Variants in PLEKHA6 observed in about 807,000 individuals in gnomAD.
PLEKHA6 encodes pleckstrin homology domain-containing family A member 6.
Under a neutral mutation model 116.7 loss-of-function variants are expected in PLEKHA6, and 60 were observed. The ratio of observed to expected loss-of-function variants is 0.51; its 90% CI spans 0.42 to 0.64. PLEKHA6 has a LOEUF of 0.64. Ranked by LOEUF, PLEKHA6 falls within the 30% of genes least tolerant of loss-of-function variation. The pLI, the probability that PLEKHA6 is intolerant of heterozygous loss-of-function variation, is 0.00. For missense variants in PLEKHA6, 1,338 were observed against 1,422.7 expected (o/e 0.94, Z 0.96); for synonymous variants, 489 against 556.1 (o/e 0.88, Z 1.70).
chr1:204,288,065 C>A (rs959970992), intron 1 of PLEKHA6, among the ~76,000 whole-genome samples: 2 of 152,174 alleles, frequency 1.3e-5, no homozygotes, highest in Admixed American at 1.3e-4. Context: ...TCCAGAGCCA[C>A]CCAGACAAAC....
chr1:204,315,614 G>A (rs1317225733), intron 1 of PLEKHA6, among the ~76,000 whole-genome samples: 2 of 152,302 alleles, frequency 1.3e-5, no homozygotes, highest in East Asian at 3.9e-4. Context: ...CCGCCGTGAA[G>A]TTGTAGGCAT....
intron 2 of PLEKHA6, chr1:204,369,860 A>G (rs1673740945): frequency 6.6e-6 from 1 of 152,228 alleles, no homozygotes; most frequent in Non-Finnish European, 1.5e-5. Flanking sequence ...GTAGAAGAAA[A>G]CAGCCCTGGC....
chr1:204,334,448 G>C (rs1672568371), intron 1 of PLEKHA6, among the ~76,000 whole-genome samples: 1 of 152,122 alleles, frequency 6.6e-6, no homozygotes, highest in Admixed American at 6.5e-5. Context: ...TCCAAACTTG[G>C]TCTTTTTCTA....
intron 1 of PLEKHA6, among the ~76,000 whole-genome samples, chr1:204,292,886 GTGGAAGCAGC>G (rs902036956): frequency 1.4e-4 from 16 of 110,694 alleles, no homozygotes; most frequent in African/African-American, 5.8e-4. Flanking sequence ...TCTGGAGGTT[GTGGAAGCAGC>G]TGGAAGCTGT....
In PLEKHA6 at chr1:204,220,958, T is replaced by G. The variant is rs1194187602; in HGVS notation, c.*1830A>C. On this transcript the variant is annotated 3_prime_UTR_variant, in exon 23 of 23. Coordinates refer to ENST00000272203, the MANE Select transcript of PLEKHA6 (RefSeq NM_014935.5). The stretch of plus-strand genomic sequence containing the variant: ...AAGGCCCTGAAAAATCTGTTTCCTG[T>G]GGAGGGAGAAAGGCTTGGGAGAAAG... The G allele has an allele frequency of 6.7e-6, 1 of 149,002 alleles. No individual in the cohort carries two copies. The highest frequency in any genetic ancestry group is 2.0e-4 in the East Asian group (1 of 5,112). The allele number at this position is 149,002 out of a possible 1,614,324, so 9.2% of individuals were successfully genotyped here. A position where few individuals can be genotyped will look rare whatever the true frequency, so the allele number is the denominator to read the frequency against.
chr1:204,281,974 C>G (rs1668671361), intron 1 of PLEKHA6, among the ~76,000 whole-genome samples: 1 of 152,194 alleles, frequency 6.6e-6, no homozygotes, highest in Non-Finnish European at 1.5e-5. Context: ...GCTCCCACCA[C>G]AGGCAGAAGA....
Position 204,230,346 on chromosome 1 carries a change from T to C in PLEKHA6, c.2583+67A>G, listed in dbSNP as rs777977036. 6.1e-6 allele frequency: 8 copies of C among 1,316,064 alleles called. No individual in the cohort carries two copies. In the South Asian group the frequency reaches 1.2e-4, roughly 20 times the overall value. 81.5% of individuals were successfully genotyped at this position (1,316,064 alleles called of 1,614,324 possible). A position where few individuals can be genotyped will look rare whatever the true frequency, so the allele number is the denominator to read the frequency against. ...AAACCCCCCAGGCCCAAGCTGGCCA[T>C]GCCCTGGGAGTGGGCAGTGTTGGCA... On this transcript the variant is annotated intron_variant, in intron 18 of 22. Transcript: ENST00000272203.
intron 17 of PLEKHA6, among the ~76,000 whole-genome samples, chr1:204,241,156 A>G (rs566161012): frequency 6.6e-6 from 1 of 152,300 alleles, no homozygotes; most frequent in Admixed American, 6.5e-5. Context: ...GTCCCTCTAG[A>G]GAACCCTGAC....
intron 1 of PLEKHA6, among the ~76,000 whole-genome samples, chr1:204,320,820 G>T (rs904660967): frequency 6.6e-6 from 1 of 152,116 alleles, no homozygotes; most frequent in Non-Finnish European, 1.5e-5. Flanking sequence ...GGAGAGAGGG[G>T]TTCTTAGCCT....
chr1:204,250,598 T>C lies in PLEKHA6; in HGVS notation c.1541A>G (p.Glu514Gly), dbSNP rs1331938238. ...GGTGTGGAGGCTGTCCCGGAACACT[T>C]CTGGGTATGGAGGGACCTGCAGGAA... ...ISSPKVPPYPEVFRDSLHTYK... is the reference protein window; with the variant it reads ...ISSPKVPPYPGVFRDSLHTYK... The change falls in exon 10 of 23, where the codon GAA becomes GGA. Residue 514 changes from glutamate (E) to glycine (G), a missense_variant. Transcript: ENST00000272203. 6.2e-6 allele frequency: 10 copies of C among 1,612,652 alleles called. No homozygotes were observed. The highest frequency in any genetic ancestry group is 1.7e-5 in the Admixed American group (1 of 59,994).
chr1:204,281,245 G>T (rs958019865), intron 1 of PLEKHA6, among the ~76,000 whole-genome samples: 10 of 151,958 alleles, frequency 6.6e-5, no homozygotes, highest in African/African-American at 2.4e-4. Context: ...AACAAAAAAG[G>T]CCGGGGGCGG....
chr1:204,246,210 C>T (rs915641566), intron 13 of PLEKHA6, among the ~76,000 whole-genome samples: 3 of 152,186 alleles, frequency 2.0e-5, no homozygotes, highest in Non-Finnish European at 4.4e-5. Flanking sequence ...ATTTATTTAG[C>T]ATCCCTCAGC....
intron 1 of PLEKHA6, among the ~76,000 whole-genome samples, chr1:204,300,584 T>C (rs960239012): frequency 2.6e-5 from 4 of 152,208 alleles, no homozygotes; most frequent in Admixed American, 1.3e-4. Context: ...AGCCAATAAA[T>C]GATCCCTATC....
chr1:204,230,690 G>T, intron 17 of PLEKHA6, 104 bp from the exon 18 acceptor site: 1 of 971,570 alleles, frequency 1.0e-6, no homozygotes, highest in African/African-American at 1.7e-5. Flanking sequence ...TCTGCCTGTA[G>T]TGGACTGAAG....
chr1:204,350,591 G>A (rs1467982438), intron 1 of PLEKHA6, among the ~76,000 whole-genome samples: 2 of 152,194 alleles, frequency 1.3e-5, no homozygotes, highest in Non-Finnish European at 2.9e-5. Context: ...GGAACCCACC[G>A]CTGACGGTGC....
chr1:204,259,944 T>C lies in PLEKHA6; in HGVS notation c.525-204A>G, dbSNP rs1571936476. 6.6e-6 allele frequency among the ~76,000 whole-genome samples: 1 copy of C among 152,000 alleles called. No homozygotes were observed. The highest frequency in any genetic ancestry group is 1.9e-4 in the East Asian group (1 of 5,184). On this transcript the variant is annotated intron_variant, in intron 7 of 22. Transcript: ENST00000272203. This position sits in a 1 kb window ranked among gnomAD's most constrained non-coding sequence, Gnocchi z 4.6. ...CCTGGGAAATTATTATACAACCTAA[T>C]CCGCCCCTGCCCACACCTGCTGTGT...
At chr1:204,367,077 C>T (rs1349709467) in intron 3 of PLEKHA6, among the ~76,000 whole-genome samples, 2 of 152,172 alleles carry the variant, frequency 1.3e-5, no homozygotes, top group South Asian at 2.1e-4. Context: ...CTCACCCTTG[C>T]GAATGAAACC....
rs566994515 is a variant in PLEKHA6 at position 204,346,356 on chromosome 1, C to G, written c.-95+13338G>C. On this transcript the variant is annotated intron_variant, in intron 1 of 22. Transcript: ENST00000272203. ...GCAGCAAACACTCTCACTCTCACCCCCCTAGAGGAGGCAGCATCTACCACC... is the reference window on the plus strand; with the variant it reads ...GCAGCAAACACTCTCACTCTCACCCGCCTAGAGGAGGCAGCATCTACCACC... Among the ~76,000 whole-genome samples, 16 of 152,144 alleles carry G rather than the reference C, an allele frequency of 1.1e-4. No homozygotes were observed. In the South Asian group the frequency reaches 3.1e-3, roughly 30 times the overall value.
intron 9 of PLEKHA6, chr1:204,251,532 T>G (rs1286106430): frequency 1.4e-6 from 1 of 702,892 alleles, no homozygotes; most frequent in East Asian, 2.7e-5. Flanking sequence ...AGGTCTTACT[T>G]GCATGAAGAG....
Sources: gnomAD v4.1 joint callset for allele counts (sites outside exome capture counted in the v4.1 genomes callset) on GRCh38, gnomAD v4.1.1 for gene constraint, Gnocchi (gnomAD v3.1) non-coding constraint, MANE v1.5 for transcripts, NCBI Gene and HGNC (gene_info 2026-07-23, HGNC 2026-07-21) for gene names.